The following AGBL4 variants were observed in gnomAD, a reference collection of about 807,000 sequenced individuals.
AGBL4 encodes the protein cytosolic carboxypeptidase 6.
AGBL4 carries 58 observed loss-of-function variants against 66.4 expected under a neutral mutation model. The observed-to-expected ratio is 0.87, with a 90% confidence interval of 0.71 to 1.09. AGBL4 has a LOEUF of 1.09. Among genes scored for constraint, AGBL4 ranks in the 50% least tolerant of loss-of-function variants. The pLI, the probability that AGBL4 is intolerant of heterozygous loss-of-function variation, is 0.00. For missense variants in AGBL4, 579 were observed against 631.0 expected, an observed-to-expected ratio of 0.92 and a Z score of 0.88; for synonymous variants, 234 against 222.9, an observed-to-expected ratio of 1.05 and a Z score of -0.44.
chr1:49,697,477 T>A (rs753012093), intron 2 of AGBL4, 40 bp from the exon 3 acceptor site: 13 of 1,435,240 alleles, frequency 9.1e-6, no homozygotes, highest in African/African-American at 7.1e-5. Context: ...TTAATAGAAG[T>A]TCATGCAGCT....
intron 2 of AGBL4, among the ~76,000 whole-genome samples, chr1:49,792,825 T>C (rs982947361): frequency 2.6e-5 from 4 of 151,996 alleles, no homozygotes; most frequent in Non-Finnish European, 4.4e-5. Flanking sequence ...TCAGTAGGTA[T>C]AGGCGTAAAA....
chr1:48,852,920 G>T (rs775453680), intron 6 of AGBL4, among the ~76,000 whole-genome samples: 1 of 152,070 alleles, frequency 6.6e-6, no homozygotes, highest in Non-Finnish European at 1.5e-5. Context: ...TCATTTTGGC[G>T]CTGGCCTCCA....
At chr1:48,571,946 G>C (rs746139902) in intron 11 of AGBL4, among the ~76,000 whole-genome samples, 1 of 152,212 alleles carries the variant, frequency 6.6e-6, no homozygotes, top group Non-Finnish European at 1.5e-5. Flanking sequence ...GGAGGCAGAA[G>C]TGACAGACAG....
At chr1:49,100,825 G>A (rs1412964841) in intron 4 of AGBL4, among the ~76,000 whole-genome samples, 2 of 152,182 alleles carry the variant, frequency 1.3e-5, no homozygotes, top group African/African-American at 2.4e-5. Flanking sequence ...TTCCTACTCT[G>A]TGCTAGGCAT....
chr1:49,309,680 G>A (rs1417224950), intron 3 of AGBL4, among the ~76,000 whole-genome samples: 1 of 151,650 alleles, frequency 6.6e-6, no homozygotes, highest in African/African-American at 2.4e-5. Context: ...AGTGGTAGAC[G>A]CAAATAATAA....
At chr1:48,837,143 G>C (rs1226647093) in intron 6 of AGBL4, among the ~76,000 whole-genome samples, 2 of 151,540 alleles carry the variant, frequency 1.3e-5, no homozygotes, top group South Asian at 4.1e-4. Flanking sequence ...TAGTGAGTTG[G>C]CAAGTAAAAT....
In AGBL4 at chr1:48,978,098, T is replaced by C. The variant is rs991277183; in HGVS notation, c.594+67486A>G. On this transcript the variant is annotated intron_variant, in intron 5 of 13. Coordinates refer to ENST00000371839, the MANE Select transcript of AGBL4 (RefSeq NM_032785.4). ...TGAGGAGATGGTGAGAACATATTTA[T>C]GCATATGAAAATTAGTTGCATCTTA... Among the ~76,000 whole-genome samples the C allele has an allele frequency of 2.6e-5, 4 of 152,180 alleles. No individual in the cohort carries two copies. The East Asian group carries it at 7.7e-4, about 29-fold the overall frequency.
At chr1:49,386,609 A>G (rs879826705) in intron 3 of AGBL4, among the ~76,000 whole-genome samples, 2 of 152,092 alleles carry the variant, frequency 1.3e-5, no homozygotes, top group East Asian at 3.9e-4. Flanking sequence ...TGGAAACACA[A>G]TGTACAGTAA....
At chr1:49,614,993 C>T (rs769978374) in intron 3 of AGBL4, among the ~76,000 whole-genome samples, 1 of 152,062 alleles carries the variant, frequency 6.6e-6, no homozygotes, top group African/African-American at 2.4e-5. Context: ...TAATCACACT[C>T]CCTTGTTTTT....
At chr1:49,693,526 AAAAT>A (rs1452388098) in intron 3 of AGBL4, among the ~76,000 whole-genome samples, 1 of 152,180 alleles carries the variant, frequency 6.6e-6, no homozygotes, top group Middle Eastern at 3.2e-3. Flanking sequence ...TCCACGATAG[AAAAT>A]AAATAAGTTT....
intron 2 of AGBL4, among the ~76,000 whole-genome samples, chr1:49,811,391 T>C (rs1037362832): frequency 9.2e-5 from 14 of 152,266 alleles, no homozygotes; most frequent in African/African-American, 2.9e-4. Context: ...AGTAAATACA[T>C]AGTAAAATTT....
chr1:48,866,868 A>T (rs766687779), intron 6 of AGBL4, among the ~76,000 whole-genome samples: 6 of 152,102 alleles, frequency 3.9e-5, no homozygotes, highest in Non-Finnish European at 8.8e-5. Flanking sequence ...TCTAAAACTT[A>T]TTTCTCAGGG....
At chr1:48,634,693 T>G in intron 8 of AGBL4, 89 bp from the exon 9 acceptor site, 2 of 807,748 alleles carry the variant, frequency 2.5e-6, no homozygotes, top group Non-Finnish European at 3.9e-6. Flanking sequence ...GGAGCAGTGA[T>G]TATGTCACTT....
chr1:48,953,071 T>C (rs914310598), intron 5 of AGBL4, among the ~76,000 whole-genome samples: 1 of 152,162 alleles, frequency 6.6e-6, no homozygotes, highest in South Asian at 2.1e-4. Flanking sequence ...TCAACTGAGA[T>C]AATGAACAGA....
At chr1:48,650,298 C>A (rs947911568) in intron 8 of AGBL4, among the ~76,000 whole-genome samples, 45 of 152,156 alleles carry the variant, frequency 3.0e-4, no homozygotes, top group African/African-American at 1.1e-3. Flanking sequence ...GTCTGCACGT[C>A]CAGAGGGAGA....
At chr1:49,936,270 G>C (rs1432700044) in intron 1 of AGBL4, among the ~76,000 whole-genome samples, 1 of 152,138 alleles carries the variant, frequency 6.6e-6, no homozygotes, top group Non-Finnish European at 1.5e-5. Flanking sequence ...AATGAAGCAA[G>C]AAGGGAAGTT....
At chr1:49,317,460 T>C (rs1645060431) in intron 3 of AGBL4, among the ~76,000 whole-genome samples, 1 of 151,780 alleles carries the variant, frequency 6.6e-6, no homozygotes, top group African/African-American at 2.4e-5. Context: ...TAATATATCA[T>C]CATCATCATT....
chr1:49,629,835 T>C (rs1645536776), intron 3 of AGBL4, among the ~76,000 whole-genome samples: 1 of 152,136 alleles, frequency 6.6e-6, no homozygotes, highest in Non-Finnish European at 1.5e-5. Flanking sequence ...ATTAATGGTT[T>C]TCAGAAAACT....
At chr1:49,468,422 A>G (rs1467483788) in intron 3 of AGBL4, among the ~76,000 whole-genome samples, 1 of 151,836 alleles carries the variant, frequency 6.6e-6, no homozygotes, top group African/African-American at 2.4e-5. Flanking sequence ...ATAATCCTGA[A>G]TGTTGAAATT....
Sources: allele counts gnomAD v4.1 joint callset (sites outside exome capture counted in the v4.1 genomes callset), GRCh38; gene constraint gnomAD v4.1.1; transcripts MANE v1.5; gene names NCBI Gene and HGNC (gene_info 2026-07-23, HGNC 2026-07-21).